Variants in SHROOM3 observed in about 807,000 individuals in gnomAD.
The protein encoded by SHROOM3 is protein Shroom3.
Under a neutral mutation model 138.6 loss-of-function variants are expected in SHROOM3, and 47 were observed. The observed-to-expected ratio is 0.34, with a 90% CI of 0.27 to 0.43. The LOEUF (loss-of-function observed/expected upper bound fraction) is 0.43. Ranked by LOEUF, SHROOM3 falls within the 20% of genes least tolerant of loss-of-function variation. The pLI is 1.00. For synonymous variants in SHROOM3, 1,062 were observed against 1,063.3 expected, an observed-to-expected ratio of 1.00 and a Z score of 0.02; for missense variants, 2,491 against 2,596.5, an observed-to-expected ratio of 0.96 and a Z score of 0.88.
Position 76,673,080 on chromosome 4 carries a change from C to T in SHROOM3, c.324-37076C>T, listed in dbSNP as rs1408229252. Among the ~76,000 whole-genome samples, 5 of 152,172 alleles carry T rather than the reference C, an allele frequency of 3.3e-5. No homozygotes were observed. The East Asian group carries it at 9.6e-4, about 29-fold the overall frequency. ...GGCCAGATTTTTTGAAAAGTCCCTT[C>T]CCTAATTAAATCAGTCAATATAAAC... On this transcript the variant is annotated intron_variant, in intron 2 of 10. Transcript: ENST00000296043.
chr4:76,626,778 G>A (rs1469800363), intron 2 of SHROOM3, among the ~76,000 whole-genome samples: 1 of 152,140 alleles, frequency 6.6e-6, no homozygotes, highest in Admixed American at 6.5e-5. Flanking sequence ...ATGAAACTTG[G>A]TCTCTTGGTC....
At chr4:76,531,851 G>T (rs1732834241) in intron 1 of SHROOM3, among the ~76,000 whole-genome samples, 1 of 150,966 alleles carries the variant, frequency 6.6e-6, no homozygotes, top group Admixed American at 6.6e-5. Context: ...GGCCATCCTA[G>T]ATTTAATATA....
chr4:76,452,131 T>G (rs1382865514), intron 1 of SHROOM3, among the ~76,000 whole-genome samples: 1 of 152,236 alleles, frequency 6.6e-6, no homozygotes, highest in Non-Finnish European at 1.5e-5. Flanking sequence ...AAGATTCAGA[T>G]AGAAAAAGTG....
chr4:76,555,588 C>A, intron 1 of SHROOM3, 21 bp from the exon 2 acceptor site: 1 of 1,612,418 alleles, frequency 6.2e-7, no homozygotes, highest in South Asian at 1.1e-5. Context: ...TCGTGGCTGT[C>A]GCATCTCTCC....
intron 2 of SHROOM3, among the ~76,000 whole-genome samples, chr4:76,642,050 C>T (rs1053311704): frequency 5.3e-5 from 8 of 152,138 alleles, no homozygotes; most frequent in African/African-American, 1.9e-4. Flanking sequence ...ATGAGACACA[C>T]ACTTCATGCC....
chr4:76,609,213 C>G (rs1336514304), intron 2 of SHROOM3, among the ~76,000 whole-genome samples: 1 of 152,126 alleles, frequency 6.6e-6, no homozygotes, highest in Non-Finnish European at 1.5e-5. Flanking sequence ...ATACATTGAA[C>G]CTTGCAAATT....
chr4:76,524,987 T>C (rs756349096), intron 1 of SHROOM3, among the ~76,000 whole-genome samples: 6 of 152,228 alleles, frequency 3.9e-5, no homozygotes, highest in Non-Finnish European at 7.3e-5. Context: ...CTAGATCATA[T>C]GTTTTGAAAG....
chr4:76,743,689 G>A lies in SHROOM3; in HGVS notation c.3753+1763G>A, dbSNP rs146038858. Among the ~76,000 whole-genome samples, 797 of 152,192 alleles carry A rather than the reference G, an allele frequency of 5.2e-3. 6 individuals are homozygous for A. The highest frequency in any genetic ancestry group is 0.018 in the African/African-American group (746 of 41,506). On this transcript the variant is annotated intron_variant, in intron 5 of 10. Coordinates refer to ENST00000296043, the MANE Select transcript of SHROOM3 (RefSeq NM_020859.4). The stretch of plus-strand genomic sequence containing the variant: ...CTGTTTCCTTCTGAGAGAAAATACC[G>A]TCCCCTCCCAGATGTTTTCTGTTTA...
intron 6 of SHROOM3, among the ~76,000 whole-genome samples, chr4:76,751,721 A>C (rs146829204): frequency 6.6e-6 from 1 of 152,332 alleles, no homozygotes; most frequent in African/African-American, 2.4e-5. Context: ...AAGATGCTCA[A>C]CACCACTAAT....
chr4:76,469,851 A>T (rs1398661949), intron 1 of SHROOM3, among the ~76,000 whole-genome samples: 3 of 152,114 alleles, frequency 2.0e-5, no homozygotes, highest in Admixed American at 1.3e-4. Context: ...TTTGATTTGA[A>T]AAGACAAGAT....
intron 1 of SHROOM3, among the ~76,000 whole-genome samples, chr4:76,441,640 A>G (rs1211057590): frequency 6.6e-6 from 1 of 151,972 alleles, no homozygotes; most frequent in Non-Finnish European, 1.5e-5. Context: ...TTCTTCCCTT[A>G]TTGTTCAATC....
intron 2 of SHROOM3, among the ~76,000 whole-genome samples, chr4:76,600,631 G>C (rs902923827): frequency 6.6e-6 from 1 of 152,104 alleles, no homozygotes; most frequent in Non-Finnish European, 1.5e-5. Context: ...ATAAGAGACC[G>C]GGTGACTGTA....
At chr4:76,736,569 T>G (rs1166592248) in intron 4 of SHROOM3, among the ~76,000 whole-genome samples, 5 of 152,232 alleles carry the variant, frequency 3.3e-5, no homozygotes, top group Admixed American at 6.5e-5. Flanking sequence ...TTTATTTACA[T>G]GTAATCTAGA....
chr4:76,708,973 G>A (rs1577987573), intron 2 of SHROOM3, among the ~76,000 whole-genome samples: 1 of 152,232 alleles, frequency 6.6e-6, no homozygotes, highest in African/African-American at 2.4e-5. Flanking sequence ...GGAGGTGGTG[G>A]TGCTTAGATA....
At chr4:76,735,861 AAAAAAAAATAT>A (rs1721041471) in intron 4 of SHROOM3, among the ~76,000 whole-genome samples, 1 of 21,452 alleles carries the variant, frequency 4.7e-5, no homozygotes, top group Non-Finnish European at 1.2e-4. Context: ...AAAAAAAAAA[AAAAAAAAATAT>A]ATATATATAT....
At chr4:76,468,759 G>A (rs1409568135) in intron 1 of SHROOM3, among the ~76,000 whole-genome samples, 1 of 152,084 alleles carries the variant, frequency 6.6e-6, no homozygotes, top group African/African-American at 2.4e-5. Flanking sequence ...GCCTGGCGCG[G>A]TAGCTCACAC....
At position 76,691,191 on chromosome 4, in the gene SHROOM3, A is replaced by G. The variant is rs116371782; in HGVS notation, c.324-18965A>G. Among the ~76,000 whole-genome samples, 430 of 152,322 alleles carry G rather than the reference A, an allele frequency of 2.8e-3. 2 individuals carry two copies. Among genetic ancestry groups the G allele is most frequent in the African/African-American group, 9.8e-3 (409 of 41,574 alleles). The stretch of plus-strand genomic sequence containing the variant: ...AGAACTTCCTCACCATACATTTGAT[A>G]AAACCCTGGAGAAGGTTACCAAGGG... On this transcript the variant is annotated intron_variant, in intron 2 of 10. Transcript: ENST00000296043.
chr4:76,519,691 G>C (rs1379022712), intron 1 of SHROOM3, among the ~76,000 whole-genome samples: 1 of 152,162 alleles, frequency 6.6e-6, no homozygotes, highest in Middle Eastern at 3.2e-3. Flanking sequence ...GGACAGTCTT[G>C]ACTATATGTG....
chr4:76,731,612 C>T (rs1720885438), intron 4 of SHROOM3, among the ~76,000 whole-genome samples: 1 of 152,148 alleles, frequency 6.6e-6, no homozygotes, highest in African/African-American at 2.4e-5. Flanking sequence ...GAAACCCTGT[C>T]TCTACTAAAA....
Sources: allele counts gnomAD v4.1 joint callset (sites outside exome capture counted in the v4.1 genomes callset), GRCh38; gene constraint gnomAD v4.1.1; transcripts MANE v1.5; gene names NCBI Gene and HGNC (gene_info 2026-07-23, HGNC 2026-07-21).